ATF6B: variants seen among roughly 807,000 people sequenced by gnomAD.
The protein encoded by ATF6B is activating transcription factor 6 beta.
A neutral mutation model predicts 83.5 loss-of-function variants in ATF6B; 50 were observed. The observed-to-expected ratio is 0.60, with a 90% CI of 0.48 to 0.76. The LOEUF is 0.76. Ranked by LOEUF, ATF6B falls within the 30% of genes least tolerant of loss-of-function variation. The probability of loss-of-function intolerance (pLI) is 0.00; values close to 1 mark genes in which losing one functional copy is unlikely to be tolerated. For missense variants in ATF6B, 790 were observed against 893.8 expected, an observed-to-expected ratio of 0.88 and a Z score of 1.48; for synonymous variants, 344 against 362.8, an observed-to-expected ratio of 0.95 and a Z score of 0.59.
In ATF6B at chr6:32,116,771, G is replaced by A. The variant is rs1339337800; in HGVS notation, c.1730C>T (p.Ser577Leu). ...AATTGCATCCAAGAATGCTGGCTGC[G>A]AACGGTCTGGGTGGCGATATAGTTG... ...QLQLYRHPDRSQPAFLDAIDR... is the reference protein window; with the variant it reads ...QLQLYRHPDRLQPAFLDAIDR... Residue 577 changes from serine to leucine, a missense_variant, in exon 16 of 18, where the codon TCG (serine) becomes TTG (leucine). By Grantham distance (145) the Ser-to-Leu change is moderately radical. Coordinates refer to ENST00000375203, the MANE Select transcript of ATF6B (RefSeq NM_004381.5). The surrounding 1 kb of genome is among the most constrained non-coding windows in gnomAD (Gnocchi z 5.1). 1.9e-6 allele frequency: 3 copies of A among 1,614,148 alleles called. No individual in the cohort carries two copies. Among genetic ancestry groups the A allele is most frequent in the African/African-American group, 1.3e-5 (1 of 75,022 alleles).
intron 4 of ATF6B, 71 bp from the exon 5 acceptor site, chr6:32,126,323 A>G: frequency 1.3e-6 from 2 of 1,552,064 alleles, no homozygotes; most frequent in East Asian, 4.6e-5. Context: ...TGACAGTAAG[A>G]GCGAGAACAA....
rs1419816582 is a variant in ATF6B at position 32,115,816 on chromosome 6, C to G, written c.2035G>C (p.Gly679Arg). ...GCTGCAGAGACTGGCAAGGGGCCAC[C>G]TGTGGCATTGCCTGGGGTTGGGGAT... is the stretch of plus-strand genomic sequence containing the variant. ...QPSPTPGNAT[G>R]GPLPVSAASQ... The change falls in exon 18 of 18, where the codon GGT becomes CGT. Residue 679 changes from glycine to arginine, a missense_variant. Coordinates refer to ENST00000375203, the MANE Select transcript of ATF6B (RefSeq NM_004381.5). 1.9e-6 allele frequency: 3 copies of G among 1,613,982 alleles called. No homozygotes were observed. The highest frequency in any genetic ancestry group is 2.2e-5 in the East Asian group (1 of 44,880).
rs932513933 is a variant in ATF6B at position 32,118,943 on chromosome 6, A to C, written c.1152+13T>G. The stretch of plus-strand genomic sequence containing the variant: ...GTATTCCTGTTGGTCTCCCAGGGAC[A>C]GACTGGTCTTACTTCAGCCAGCAGG... On this transcript the variant is annotated intron_variant, in intron 10 of 17. Transcript: ENST00000375203. The surrounding 1 kb of genome is among the most constrained non-coding windows in gnomAD (Gnocchi z 5.2). 6.2e-7 allele frequency: 1 copy of C among 1,613,978 alleles called. No individual in the cohort carries two copies. The highest frequency in any genetic ancestry group is 8.5e-7 in the Non-Finnish European group (1 of 1,179,840).
rs1781657137 is a variant in ATF6B, at chr6:32,119,217, T to C, written c.967-76A>G. On this transcript the variant is annotated intron_variant, in intron 9 of 17. Transcript: ENST00000375203. This position sits in a 1 kb window ranked among gnomAD's most constrained non-coding sequence, Gnocchi z 4.9. ...GACTATGCTCTCAAACCCCAAGGAATGATTTACCCAAAGCTCACATGGCCA... is the reference window on the plus strand; with the variant it reads ...GACTATGCTCTCAAACCCCAAGGAACGATTTACCCAAAGCTCACATGGCCA... 6.7e-7 allele frequency: 1 copy of C among 1,497,284 alleles called. No individual in the cohort carries two copies. The highest frequency in any genetic ancestry group is 2.4e-5 in the Admixed American group (1 of 41,662). The allele number at this position is 1,497,284 out of a possible 1,614,324, so 92.7% of individuals were successfully genotyped here. A position where few individuals can be genotyped will look rare whatever the true frequency, so the allele number is the denominator to read the frequency against.
rs1032651089 is a variant in ATF6B at position 32,117,131 on chromosome 6, C to T, written c.1615-24G>A. ...TTCTGGAAGGAGAAGTATCTAAGGA[C>T]TTGGAGAGGGTGAAGGGAAAAGGGA... is the stretch of plus-strand genomic sequence containing the variant. On this transcript the variant is annotated intron_variant, in intron 14 of 17. Transcript: ENST00000375203. The surrounding 1 kb of genome is among the most constrained non-coding windows in gnomAD (Gnocchi z 5.0). 6.2e-6 allele frequency: 10 copies of T among 1,610,740 alleles called. No homozygotes were observed. The highest frequency in any genetic ancestry group is 6.8e-6 in the Non-Finnish European group (8 of 1,177,148).
rs529605941 is a variant in ATF6B, at chr6:32,128,178, A to G, written c.30T>C (p.Ile10=). Residue 10 remains isoleucine (I), a synonymous_variant, in exon 1 of 18, where the codon ATT becomes ATC. Coordinates refer to ENST00000375203, the MANE Select transcript of ATF6B (RefSeq NM_004381.5). MAELMLLSE[I]ADPTRFFTDN... ...CGGTGAAGAAACGCGTCGGGTCAGC[A>G]ATCTCGCTGAGCAGCATCAGCTCCG... 7 of 1,612,448 alleles carry G rather than the reference A, an allele frequency of 4.3e-6. No homozygotes were observed. Among genetic ancestry groups the G allele is most frequent in the Middle Eastern group, 1.7e-4 (1 of 6,060 alleles).
Position 32,115,777 on chromosome 6 carries a change from G to C in ATF6B, c.2074C>G (p.Gln692Glu). The change falls in exon 18 of 18, where the codon CAG becomes GAG. Residue 692 changes from glutamine (Q) to glutamate (E), a missense_variant. This residue lies in a region of ATF6B where 530 missense variants were observed against 632.6 expected (regional missense o/e 0.84). Coordinates refer to ENST00000375203, the MANE Select transcript of ATF6B (RefSeq NM_004381.5). ...AGGTAGAGGGGCTGGTGGGAGGCCTGGTGGGCCTGGCTGGCTGCAGAGACT... is the reference window on the plus strand; with the variant it reads ...AGGTAGAGGGGCTGGTGGGAGGCCTCGTGGGCCTGGCTGGCTGCAGAGACT... ...LPVSAASQAHQASHQPLYLNH... is the reference protein window; with the variant it reads ...LPVSAASQAHEASHQPLYLNH... 6.2e-7 allele frequency: 1 copy of C among 1,611,478 alleles called. No individual in the cohort carries two copies. Among genetic ancestry groups the C allele is most frequent in the Non-Finnish European group, 8.5e-7 (1 of 1,178,680 alleles).
intron 4 of ATF6B, among the ~76,000 whole-genome samples, 193 bp from the exon 5 acceptor site, chr6:32,126,445 T>C (rs902404741): frequency 8.5e-5 from 13 of 152,202 alleles, no homozygotes; most frequent in African/African-American, 2.4e-4. Context: ...TCTGGGAGAA[T>C]TGATGAAGTC....
rs771849453 is a variant in ATF6B, at chr6:32,117,333, T to C, written c.1604A>G (p.Gln535Arg). Residue 535 changes from glutamine to arginine, a missense_variant, in exon 14 of 18, where the codon CAG becomes CGG. This residue lies in a region of ATF6B where 530 missense variants were observed against 632.6 expected (regional missense o/e 0.84). Transcript: ENST00000375203. The surrounding 1 kb of genome is among the most constrained non-coding windows in gnomAD (Gnocchi z 5.0). The stretch of plus-strand genomic sequence containing the variant: ...AGCCACCCGCCCTACCTGTCTCTCC[T>C]GGGCCCTCTGAGGGATCTTCCTCCG... ...RGRRKIPQRA[Q>R]ERQKSQPRKK... The C allele has an allele frequency of 6.2e-7, 1 of 1,613,918 alleles. No individual in the cohort carries two copies. The highest frequency in any genetic ancestry group is 2.2e-5 in the East Asian group (1 of 44,864).
In ATF6B at chr6:32,116,458, T is replaced by A; in HGVS notation, c.1882+22A>T. 1.2e-6 allele frequency: 2 copies of A among 1,604,202 alleles called. No individual in the cohort carries two copies. Among genetic ancestry groups the A allele is most frequent in the Non-Finnish European group, 1.7e-6 (2 of 1,173,254 alleles). ...GATCTCCCTGTTGGAACTGCCCCCATACCCAGCAGGGAAAGAGTTACCATT... is the reference window on the plus strand; with the variant it reads ...GATCTCCCTGTTGGAACTGCCCCCAAACCCAGCAGGGAAAGAGTTACCATT... On this transcript the variant is annotated intron_variant, in intron 17 of 17. Transcript: ENST00000375203. This position sits in a 1 kb window ranked among gnomAD's most constrained non-coding sequence, Gnocchi z 5.1.
chr6:32,128,211 T>TCCCCCCCCCCCCCCCCCCCCCCCCCCC lies in ATF6B; in HGVS notation c.-5_-4insGGGGGGGGGGGGGGGGGGGGGGGGGGG. On this transcript the variant is annotated 5_prime_UTR_variant, in exon 1 of 18. Coordinates refer to ENST00000375203, the MANE Select transcript of ATF6B (RefSeq NM_004381.5). ...TGAGCAGCATCAGCTCCGCCATCTT[T>TCCCCCCCCCCCCCCCCCCCCCCCCCCC]CCCCCCCACCCCCCAACCAGGAGAC... The TCCCCCCCCCCCCCCCCCCCCCCCCCCC allele has an allele frequency of 6.5e-7, 1 of 1,536,884 alleles. No homozygotes were observed. The highest frequency in any genetic ancestry group is 1.1e-5 in the South Asian group (1 of 87,862).
Position 32,118,817 on chromosome 6 carries a change from A to G in ATF6B, c.1202T>C (p.Met401Thr). The change falls in exon 11 of 18, where the codon ATG becomes ACG. Residue 401 changes from methionine (M) to threonine (T), a missense_variant. Around this residue, in one of 3 missense-constraint regions of ATF6B, gnomAD observed 530 missense variants for 632.6 expected, o/e 0.84. Transcript: ENST00000375203. The surrounding 1 kb of genome is among the most constrained non-coding windows in gnomAD (Gnocchi z 5.2). ...GAAGGCAATGAAGAGAAGGAAGACC[A>G]TGATGCAGACCACCTTCCTGTTTCC... The part of the protein sequence containing the change: ...GSGNRKVVCI[M>T]VFLLFIAFNF... 6.2e-7 allele frequency: 1 copy of G among 1,614,270 alleles called. No homozygotes were observed. Among genetic ancestry groups the G allele is most frequent in the Non-Finnish European group, 8.5e-7 (1 of 1,180,044 alleles).
Position 32,115,887 on chromosome 6 carries a change from A to G in ATF6B, c.1964T>C (p.Ile655Thr). The G allele has an allele frequency of 6.2e-7, 1 of 1,614,104 alleles. No individual in the cohort carries two copies. Among genetic ancestry groups the G allele is most frequent in the Non-Finnish European group, 8.5e-7 (1 of 1,180,000 alleles). The change falls in exon 18 of 18, where the codon ATT (isoleucine) becomes ACT (threonine). Residue 655 changes from isoleucine to threonine, a missense_variant. Ile to Thr is a moderately conservative substitution (Grantham distance 89). Transcript: ENST00000375203. ...IECEVMDTRV[I>T]HIKTSTVPPS... ...GGGCACTGTGGAGGTCTTGATGTGA[A>G]TCACCCTGGTGTCCATGACCTCACA...
Position 32,115,974 on chromosome 6 carries a change from A to G in ATF6B, c.1883-6T>C, listed in dbSNP as rs1039815804. 1.9e-6 allele frequency: 3 copies of G among 1,609,188 alleles called. No individual in the cohort carries two copies. The highest frequency in any genetic ancestry group is 1.3e-5 in the African/African-American group (1 of 74,940). On this transcript the variant is annotated splice_polypyrimidine_tract_variant and splice_region_variant and intron_variant, in intron 17 of 17. Coordinates refer to ENST00000375203, the MANE Select transcript of ATF6B (RefSeq NM_004381.5). ...CCCACGGCCTGACAGGGTCTCTGTG[A>G]GAAGGGGAGAGTTAAGGAAGAGGAG...
rs1360756382 is a variant in ATF6B at position 32,119,685 on chromosome 6, A to T, written c.966+139T>A. ...GAAACAGGAGTCCATTCTGACCCTC[A>T]GAATGATCTAATGGGTCCGTTTCCT... On this transcript the variant is annotated intron_variant, in intron 9 of 17. Transcript: ENST00000375203. The surrounding 1 kb of genome is among the most constrained non-coding windows in gnomAD (Gnocchi z 4.9). 7.8e-7 allele frequency: 1 copy of T among 1,275,426 alleles called. No individual in the cohort carries two copies. Among genetic ancestry groups the T allele is most frequent in the Non-Finnish European group, 1.1e-6 (1 of 925,862 alleles). 79.0% of individuals were successfully genotyped at this position (1,275,426 alleles called of 1,614,324 possible). A position where few individuals can be genotyped will look rare whatever the true frequency, so the allele number is the denominator to read the frequency against.
chr6:32,118,103 TAA>T lies in ATF6B; in HGVS notation c.1245-67_1245-66del. ...GCTGTATCAAGTATCTAGGTAAGAATAAAGACTCTGCAGATGGACTGCTTGAG... is the reference window on the plus strand; with the variant it reads ...GCTGTATCAAGTATCTAGGTAAGAATAGACTCTGCAGATGGACTGCTTGAG... On this transcript the variant is annotated intron_variant, in intron 11 of 17. Coordinates refer to ENST00000375203, the MANE Select transcript of ATF6B (RefSeq NM_004381.5). The surrounding 1 kb of genome is among the most constrained non-coding windows in gnomAD (Gnocchi z 5.2). 3.8e-6 allele frequency: 6 copies of T among 1,594,256 alleles called. No individual in the cohort carries two copies. The highest frequency in any genetic ancestry group is 5.2e-6 in the Non-Finnish European group (6 of 1,164,862).
Position 32,117,467 on chromosome 6 carries a change from C to T in ATF6B, c.1533-63G>A, listed in dbSNP as rs1449501193. 53 of 1,600,586 alleles carry T rather than the reference C, an allele frequency of 3.3e-5. No individual in the cohort carries two copies. Among genetic ancestry groups the T allele is most frequent in the Admixed American group, 5.1e-5 (3 of 58,988 alleles). ...CCAAGATTCCCACCCTCCTTGCCCA[C>T]CCACAGGAGTGAGGAGAGGGCAGGG... On this transcript the variant is annotated intron_variant, in intron 13 of 17. Coordinates refer to ENST00000375203, the MANE Select transcript of ATF6B (RefSeq NM_004381.5). The surrounding 1 kb of genome is among the most constrained non-coding windows in gnomAD (Gnocchi z 5.0).
chr6:32,119,234 A>C lies in ATF6B; in HGVS notation c.967-93T>G. 1.3e-4 allele frequency: 187 copies of C among 1,436,494 alleles called. No homozygotes were observed. The highest frequency in any genetic ancestry group is 1.6e-4 in the Non-Finnish European group (178 of 1,079,592). The allele number at this position is 1,436,494 out of a possible 1,614,324, so 89.0% of individuals were successfully genotyped here. ...CCAAGGAATGATTTACCCAAAGCTC[A>C]CATGGCCATTCCCCTGCCTTCCTGA... On this transcript the variant is annotated intron_variant, in intron 9 of 17. Coordinates refer to ENST00000375203, the MANE Select transcript of ATF6B (RefSeq NM_004381.5). The surrounding 1 kb of genome is among the most constrained non-coding windows in gnomAD (Gnocchi z 4.9).
In ATF6B at chr6:32,117,833, AG is replaced by A. The variant is rs760396007; in HGVS notation, c.1424+25del. ...AGACCAACTCATACCCTCAAACGAG[AG>A]GGGGCCCTCTCTCTCTCTCCTCACC... On this transcript the variant is annotated intron_variant, in intron 12 of 17. Transcript: ENST00000375203. The surrounding 1 kb of genome is among the most constrained non-coding windows in gnomAD (Gnocchi z 5.0). The A allele has an allele frequency of 2.4e-5, 38 of 1,556,612 alleles. No individual in the cohort carries two copies. In the African/African-American group the frequency reaches 4.2e-4, roughly 17 times the overall value.
Sources: gnomAD v4.1 joint callset for allele counts (sites outside exome capture counted in the v4.1 genomes callset) on GRCh38, gnomAD v4.1.1 for gene constraint, gnomAD v4.1.1 regional missense constraint, Gnocchi (gnomAD v3.1) non-coding constraint, MANE v1.5 for transcripts, NCBI Gene and HGNC (gene_info 2026-07-23, HGNC 2026-07-21) for gene names.